The following PLGRKT variants were observed in gnomAD, a reference collection of about 807,000 sequenced individuals.
PLGRKT encodes plasminogen receptor with a C-terminal lysine.
In PLGRKT, 22 loss-of-function variants were observed where a neutral mutation model predicts 18.5. That is an observed-to-expected ratio of 1.19 (90% CI 0.85 to 1.70). The LOEUF (loss-of-function observed/expected upper bound fraction) is 1.70, where lower values mean the gene tolerates loss of function less well. Among genes scored for constraint, PLGRKT ranks in the 40% most tolerant of loss-of-function variants. The pLI is 0.00. For synonymous variants in PLGRKT, 72 were observed against 52.8 expected (o/e 1.36, Z -1.58); for missense variants, 235 against 174.4 (o/e 1.35, Z -1.96).
chr9:5,392,200 G>C (rs983453291), intron 3 of PLGRKT: 9 of 151,892 alleles, frequency 5.9e-5, no homozygotes, highest in African/African-American at 9.7e-5. Context: ...GACTACTCCG[G>C]AGAGGTACTT....
At chr9:5,385,324 A>C (rs1049973052) in intron 3 of PLGRKT, among the ~76,000 whole-genome samples, 5 of 151,682 alleles carry the variant, frequency 3.3e-5, no homozygotes, top group Non-Finnish European at 7.4e-5. Flanking sequence ...GTTGAAAAGG[A>C]CATCTTGGTA....
At chr9:5,432,058 C>T in intron 2 of PLGRKT, 75 bp from the exon 3 acceptor site, 1 of 697,026 alleles carries the variant, frequency 1.4e-6, no homozygotes, top group Non-Finnish European at 2.6e-6. Context: ...TTTGAGCTAC[C>T]TTGGGCTTAT....
At chr9:5,421,229 T>C (rs1818569987) in intron 3 of PLGRKT, among the ~76,000 whole-genome samples, 1 of 152,206 alleles carries the variant, frequency 6.6e-6, no homozygotes, top group African/African-American at 2.4e-5. Flanking sequence ...CAGCTCAGTG[T>C]CTCTGCATTC....
chr9:5,384,280 G>C (rs547535289), intron 3 of PLGRKT, among the ~76,000 whole-genome samples: 4 of 152,190 alleles, frequency 2.6e-5, no homozygotes, highest in African/African-American at 9.6e-5. Flanking sequence ...AATGAAAAAC[G>C]GTCAGGGGAT....
intron 3 of PLGRKT, among the ~76,000 whole-genome samples, chr9:5,410,604 C>T (rs375306497): frequency 6.6e-6 from 1 of 151,808 alleles, no homozygotes; most frequent in Non-Finnish European, 1.5e-5. Context: ...TTTAAGCAGG[C>T]AGGGTTGGGA....
chr9:5,381,296 C>A (rs973093845), intron 3 of PLGRKT, among the ~76,000 whole-genome samples: 1 of 152,228 alleles, frequency 6.6e-6, no homozygotes, highest in Non-Finnish European at 1.5e-5. Context: ...AATGGTTTCA[C>A]GGGCCAGGCC....
At chr9:5,426,785 C>G (rs1022352491) in intron 3 of PLGRKT, among the ~76,000 whole-genome samples, 1 of 152,134 alleles carries the variant, frequency 6.6e-6, no homozygotes, top group Admixed American at 6.6e-5. Context: ...CCATCTCCTT[C>G]CAGTCAAAGA....
At chr9:5,414,286 C>A (rs2131149364) in intron 3 of PLGRKT, among the ~76,000 whole-genome samples, 1 of 152,306 alleles carries the variant, frequency 6.6e-6, no homozygotes, top group East Asian at 1.9e-4. Flanking sequence ...GCTGCCTCAG[C>A]CTCCCAAGTA....
chr9:5,371,531 G>A (rs1460764826), intron 3 of PLGRKT, among the ~76,000 whole-genome samples: 1 of 152,192 alleles, frequency 6.6e-6, no homozygotes, highest in African/African-American at 2.4e-5. Flanking sequence ...CAGGAAAGAA[G>A]TGCCTTTTGT....
At chr9:5,430,068 T>C (rs1563792123) in intron 3 of PLGRKT, among the ~76,000 whole-genome samples, 1 of 152,180 alleles carries the variant, frequency 6.6e-6, no homozygotes, top group Non-Finnish European at 1.5e-5. Context: ...ATAGCACTCA[T>C]TTCGCCCGTG....
At chr9:5,377,462 T>A (rs944380669) in intron 3 of PLGRKT, among the ~76,000 whole-genome samples, 11 of 152,296 alleles carry the variant, frequency 7.2e-5, no homozygotes, top group African/African-American at 2.6e-4. Context: ...TTCATTTTTT[T>A]CTCCTTTGTA....
rs151019224 is a variant in PLGRKT at position 5,405,329 on chromosome 9, G to A, written c.81+26568C>T. The stretch of plus-strand genomic sequence containing the variant: ...ATCCTAAGCAAAAAGAACAAAGCTG[G>A]AGGAATCATGCTACCTGACTTCAAA... On this transcript the variant is annotated intron_variant, in intron 3 of 5. Transcript: ENST00000223864. 2.6e-3 allele frequency among the ~76,000 whole-genome samples: 391 copies of A among 152,312 alleles called. 2 individuals are homozygous for A. The highest frequency in any genetic ancestry group is 8.5e-3 in the African/African-American group (354 of 41,570).
At chr9:5,366,837 A>G (rs1206512650) in intron 3 of PLGRKT, among the ~76,000 whole-genome samples, 1 of 152,166 alleles carries the variant, frequency 6.6e-6, no homozygotes, top group Non-Finnish European at 1.5e-5. Flanking sequence ...ATTCTATATT[A>G]GGAAAACCTA....
At chr9:5,432,980 C>A (rs571500521) in intron 2 of PLGRKT, among the ~76,000 whole-genome samples, 1 of 152,248 alleles carries the variant, frequency 6.6e-6, no homozygotes, top group Non-Finnish European at 1.5e-5. Flanking sequence ...AGGAGCATCT[C>A]TGCCCGGCCG....
At chr9:5,436,848 C>T (rs1478498005) in intron 1 of PLGRKT, among the ~76,000 whole-genome samples, 154 bp from the exon 2 acceptor site, 1 of 152,194 alleles carries the variant, frequency 6.6e-6, no homozygotes, top group African/African-American at 2.4e-5. Context: ...TTTCAGCTAT[C>T]TCCTCTTGCT....
intron 3 of PLGRKT, among the ~76,000 whole-genome samples, chr9:5,368,575 C>G (rs553274451): frequency 6.6e-6 from 1 of 152,142 alleles, no homozygotes; most frequent in African/African-American, 2.4e-5. Flanking sequence ...ACACCAAGGA[C>G]TACTAGAAGG....
chr9:5,409,582 T>C (rs1170283852), intron 3 of PLGRKT, among the ~76,000 whole-genome samples: 1 of 152,222 alleles, frequency 6.6e-6, no homozygotes, highest in Non-Finnish European at 1.5e-5. Flanking sequence ...GCTCAGACCC[T>C]GCTCCTGGAA....
At chr9:5,390,217 G>A (rs185567920) in intron 3 of PLGRKT, among the ~76,000 whole-genome samples, 8 of 73,544 alleles carry the variant, frequency 1.1e-4, no homozygotes, top group East Asian at 5.7e-4. Context: ...ATGTGTGTGC[G>A]TGTGTGTGTG....
intron 2 of PLGRKT, among the ~76,000 whole-genome samples, chr9:5,433,925 T>G (rs1234514028): frequency 1.6e-3 from 115 of 72,212 alleles, no homozygotes; most frequent in Middle Eastern, 0.013. Flanking sequence ...CATCTGGGAA[T>G]TGAGGAGCAC....
Sources: allele counts gnomAD v4.1 joint callset (sites outside exome capture counted in the v4.1 genomes callset), GRCh38; gene constraint gnomAD v4.1.1; transcripts MANE v1.5; gene names NCBI Gene and HGNC (gene_info 2026-07-23, HGNC 2026-07-21).